Variants in NAV3 observed in about 807,000 individuals in gnomAD.
NAV3 encodes neuron navigator 3.
NAV3 carries 87 observed loss-of-function variants against 244.7 expected under a neutral mutation model. The observed-to-expected ratio is 0.36, with a 90% CI of 0.30 to 0.42. The LOEUF (loss-of-function observed/expected upper bound fraction) is 0.42, where lower values mean the gene tolerates loss of function less well. NAV3 is among the 20% of genes least tolerant of loss of function. NAV3 has a pLI of 1.00. For missense variants in NAV3, 2,663 were observed against 2,893.3 expected, an observed-to-expected ratio of 0.92 and a Z score of 1.83; for synonymous variants, 1,126 against 1,042.2, an observed-to-expected ratio of 1.08 and a Z score of -1.55.
chr12:77,597,576 A>G (rs973037156), intron 2 of NAV3, among the ~76,000 whole-genome samples: 20 of 152,246 alleles, frequency 1.3e-4, no homozygotes, highest in Admixed American at 8.5e-4. Flanking sequence ...TCAAGGAGGA[A>G]TTTTAATAGA....
rs201844408 is a variant in NAV3 at position 78,185,648 on chromosome 12, C to T, written c.5740C>T (p.Arg1914Cys). The change falls in exon 31 of 40, where the codon CGC becomes TGC. Residue 1914 changes from arginine (R) to cysteine (C), a missense_variant. Around this residue, in one of 6 missense-constraint regions of NAV3, gnomAD observed 543 missense variants for 672.4 expected, o/e 0.81. Transcript: ENST00000397909. ...TGATGCAACTGGACATAAAGATGGC[C>T]GCAGTGTGAAAATTATAGTCTCCAT... ...AGDATGHKDG[R>C]SVKIIVSISK... 72 of 1,608,368 alleles carry T rather than the reference C, an allele frequency of 4.5e-5. No individual in the cohort carries two copies. The East Asian group carries it at 5.8e-4, about 13-fold the overall frequency.
chr12:78,001,119 G>A (rs533724513), intron 7 of NAV3, among the ~76,000 whole-genome samples: 16 of 152,212 alleles, frequency 1.1e-4, no homozygotes, highest in East Asian at 5.8e-4. Context: ...CTGGTGATGA[G>A]TTGACCTCTA....
At chr12:78,167,594 C>A (rs1176588780) in intron 23 of NAV3, among the ~76,000 whole-genome samples, 1 of 150,420 alleles carries the variant, frequency 6.6e-6, no homozygotes, top group Non-Finnish European at 1.5e-5. Context: ...CTGCAAAGGC[C>A]GCTGTGGATG....
chr12:78,035,732 T>C (rs1373453430), intron 9 of NAV3, among the ~76,000 whole-genome samples: 1 of 152,204 alleles, frequency 6.6e-6, no homozygotes, highest in Non-Finnish European at 1.5e-5. Flanking sequence ...CTATTTCCTT[T>C]TTGTTTTTAC....
At chr12:78,147,333 C>A (rs1368090634) in intron 21 of NAV3, among the ~76,000 whole-genome samples, 1 of 151,996 alleles carries the variant, frequency 6.6e-6, no homozygotes, top group Non-Finnish European at 1.5e-5. Context: ...AATGCTACAT[C>A]TATTTGCCTT....
intron 3 of NAV3, among the ~76,000 whole-genome samples, chr12:77,962,288 A>G (rs1227992097): frequency 1.3e-5 from 2 of 151,968 alleles, no homozygotes; most frequent in Non-Finnish European, 2.9e-5. Flanking sequence ...TTGAATTTAG[A>G]TCTCCACCCC....
intron 2 of NAV3, among the ~76,000 whole-genome samples, chr12:77,684,794 G>A (rs1016611592): frequency 6.6e-6 from 1 of 151,632 alleles, no homozygotes; most frequent in African/African-American, 2.4e-5. Context: ...TTATATTTTG[G>A]CCAAGGTCTG....
At chr12:77,691,128 C>A (rs555991883) in intron 2 of NAV3, among the ~76,000 whole-genome samples, 4 of 150,042 alleles carry the variant, frequency 2.7e-5, no homozygotes, top group African/African-American at 7.3e-5. Flanking sequence ...GAGGTAACTA[C>A]GAAAATTATA....
intron 2 of NAV3, among the ~76,000 whole-genome samples, chr12:77,746,841 C>A (rs1273329426): frequency 6.6e-6 from 1 of 152,108 alleles, no homozygotes; most frequent in African/African-American, 2.4e-5. Context: ...AGAGATGAAA[C>A]AATGGCTTAT....
intron 2 of NAV3, among the ~76,000 whole-genome samples, chr12:77,820,256 A>G (rs867768505): frequency 2.6e-5 from 4 of 152,304 alleles, no homozygotes; most frequent in Middle Eastern, 3.4e-3. Context: ...GTCTTAGTCC[A>G]TTAGTGCTGT....
upstream of NAV3, among the ~76,000 whole-genome samples, chr12:77,827,445 T>C (rs1442372517): frequency 6.6e-6 from 1 of 152,118 alleles, no homozygotes; most frequent in Non-Finnish European, 1.5e-5. Context: ...AAATTACTGA[T>C]ATTAAAATTT....
In NAV3 at chr12:77,885,091, T is replaced by C. The variant is rs538823890; in HGVS notation, c.243+53387T>C. Among the ~76,000 whole-genome samples, 3 of 152,254 alleles carry C rather than the reference T, an allele frequency of 2.0e-5. No homozygotes were observed. In the South Asian group the frequency reaches 6.2e-4, roughly 32 times the overall value. ...CTAGTATATAATGTCAAACTTTATG[T>C]TACTTGCTTTAAGGTTAATCAGTCT... is the stretch of plus-strand genomic sequence containing the variant. On this transcript the variant is annotated intron_variant, in intron 1 of 39. Coordinates refer to ENST00000397909, the MANE Select transcript of NAV3 (RefSeq NM_001024383.2).
chr12:77,585,287 C>G (rs752594312), intron 2 of NAV3, among the ~76,000 whole-genome samples: 6 of 152,162 alleles, frequency 3.9e-5, no homozygotes, highest in Non-Finnish European at 5.9e-5. Flanking sequence ...ACCAGAGATC[C>G]TGCATTAGAC....
chr12:77,609,423 T>C (rs1206889300), intron 2 of NAV3, among the ~76,000 whole-genome samples: 1 of 152,072 alleles, frequency 6.6e-6, no homozygotes, highest in African/African-American at 2.4e-5. Flanking sequence ...GGAAAATTTC[T>C]TTTATTCCTT....
Position 78,190,169 on chromosome 12 carries a change from A to G in NAV3, c.6241A>G (p.Lys2081Glu). Reference protein sequence around the residue: ...EYVITKSGRKKTEDAIATFNV... With the variant: ...EYVITKSGRKETEDAIATFNV... Reference sequence around the variant, plus strand: ...TGTAATAACCAAATCTGGAAGGAAAAAAACAGAGGATGCAATTGCCACTTT... The same window carrying G: ...TGTAATAACCAAATCTGGAAGGAAAGAAACAGAGGATGCAATTGCCACTTT... Residue 2081 changes from lysine (K) to glutamate (E), a missense_variant, in exon 34 of 40, where the codon AAA becomes GAA. This residue lies in a region of NAV3 where 543 missense variants were observed against 672.4 expected (regional missense o/e 0.81). Coordinates refer to ENST00000397909, the MANE Select transcript of NAV3 (RefSeq NM_001024383.2). 1 of 1,612,860 alleles carries G rather than the reference A, an allele frequency of 6.2e-7. No homozygotes were observed.
chr12:77,659,424 C>A (rs1873313709), intron 2 of NAV3, among the ~76,000 whole-genome samples: 2 of 152,296 alleles, frequency 1.3e-5, no homozygotes, highest in South Asian at 4.1e-4. Flanking sequence ...CATCTCACAC[C>A]AGTTAGAATG....
chr12:77,624,129 G>A (rs1378792967), intron 2 of NAV3, among the ~76,000 whole-genome samples: 2 of 152,088 alleles, frequency 1.3e-5, no homozygotes, highest in Non-Finnish European at 1.5e-5. Context: ...TACAGAATAC[G>A]TTATTTTAGA....
intron 2 of NAV3, among the ~76,000 whole-genome samples, chr12:77,665,241 C>T (rs2137053359): frequency 6.6e-6 from 1 of 152,220 alleles, no homozygotes; most frequent in Non-Finnish European, 1.5e-5. Context: ...TTACTTGATC[C>T]CCTAAGCTCA....
chr12:77,955,591 C>A (rs1319126983), intron 3 of NAV3, among the ~76,000 whole-genome samples: 3 of 151,908 alleles, frequency 2.0e-5, no homozygotes, highest in African/African-American at 7.2e-5. Flanking sequence ...CCCTTCTGGA[C>A]AGCTGCAGTG....
Sources: gnomAD v4.1 joint callset for allele counts (sites outside exome capture counted in the v4.1 genomes callset) on GRCh38, gnomAD v4.1.1 for gene constraint, gnomAD v4.1.1 regional missense constraint, MANE v1.5 for transcripts, NCBI Gene and HGNC (gene_info 2026-07-23, HGNC 2026-07-21) for gene names.